The following PIP4K2A variants were observed in gnomAD, a reference collection of about 807,000 sequenced individuals.
PIP4K2A encodes the protein phosphatidylinositol-5-phosphate 4-kinase type 2 alpha.
PIP4K2A carries 14 observed loss-of-function variants against 42.9 expected under a neutral mutation model. That is an observed-to-expected ratio of 0.33 (90% CI 0.22 to 0.51). The LOEUF is 0.51. Among genes scored for constraint, PIP4K2A ranks in the 20% least tolerant of loss-of-function variants. The pLI, the probability that PIP4K2A is intolerant of heterozygous loss-of-function variation, is 0.97. For missense variants in PIP4K2A, 434 were observed against 519.8 expected (o/e 0.83, Z 1.61); for synonymous variants, 192 against 192.2 (o/e 1.00, Z 0.01).
intron 1 of PIP4K2A, among the ~76,000 whole-genome samples, chr10:22,650,294 C>T (rs1323149556): frequency 6.6e-6 from 1 of 152,092 alleles, no homozygotes; most frequent in Non-Finnish European, 1.5e-5. Context: ...CCCTTTGTCA[C>T]CCAGACTGGA....
At chr10:22,619,532 G>A (rs1838267198) in intron 1 of PIP4K2A, among the ~76,000 whole-genome samples, 1 of 151,202 alleles carries the variant, frequency 6.6e-6, no homozygotes, top group African/African-American at 2.5e-5. Flanking sequence ...CGCCTCCTGG[G>A]TTCAAGCAAT....
chr10:22,677,322 T>C (rs1839578674), intron 1 of PIP4K2A, among the ~76,000 whole-genome samples: 2 of 152,094 alleles, frequency 1.3e-5, no homozygotes, highest in South Asian at 4.1e-4. Context: ...CGCCAAATAA[T>C]TAAACAGTGG....
At chr10:22,703,619 G>A (rs569928932) in intron 1 of PIP4K2A, among the ~76,000 whole-genome samples, 8 of 152,292 alleles carry the variant, frequency 5.3e-5, no homozygotes, top group African/African-American at 1.7e-4. Flanking sequence ...GTCAGAAAAG[G>A]TTTGGATTTT....
intron 1 of PIP4K2A, among the ~76,000 whole-genome samples, chr10:22,634,580 T>G (rs1838621392): frequency 6.6e-6 from 1 of 152,194 alleles, no homozygotes; most frequent in African/African-American, 2.4e-5. Context: ...AGAAAACCAA[T>G]TAAGAGGTTA....
intron 8 of PIP4K2A, 71 bp from the exon 9 acceptor site, chr10:22,540,145 G>A (rs1030848898): frequency 1.2e-6 from 1 of 800,222 alleles, no homozygotes; most frequent in Non-Finnish European, 2.2e-6. Flanking sequence ...GCTGAGGGAG[G>A]GAGGGAGGGA....
At chr10:22,667,901 G>C (rs1178105685) in intron 1 of PIP4K2A, among the ~76,000 whole-genome samples, 1 of 113,316 alleles carries the variant, frequency 8.8e-6, no homozygotes, top group Non-Finnish European at 2.1e-5. Flanking sequence ...GTGTGTGTGT[G>C]TGTGTGTGTG....
At chr10:22,608,634 G>T (rs989109883) in intron 2 of PIP4K2A, among the ~76,000 whole-genome samples, 3 of 152,214 alleles carry the variant, frequency 2.0e-5, no homozygotes, top group Admixed American at 6.5e-5. Flanking sequence ...CACTTTGGGA[G>T]ACTGAGGTGG....
intron 1 of PIP4K2A, among the ~76,000 whole-genome samples, chr10:22,685,897 C>T (rs1400467081): frequency 6.6e-6 from 1 of 152,138 alleles, no homozygotes; most frequent in Admixed American, 6.6e-5. Context: ...ACTCAGTTAC[C>T]TATTTTGTTG....
At chr10:22,630,613 CT>C in intron 1 of PIP4K2A, among the ~76,000 whole-genome samples, 1 of 152,112 alleles carries the variant, frequency 6.6e-6, no homozygotes, top group African/African-American at 2.4e-5. Context: ...ATTTATCTGC[CT>C]TACAGCAGTG....
At chr10:22,713,902 C>G (rs1158694960) in intron 1 of PIP4K2A, 5 of 252,472 alleles carry the variant, frequency 2.0e-5, no homozygotes, top group Admixed American at 5.6e-5. Flanking sequence ...GCGGGCGGAC[C>G]GGGGGCGGCA....
At chr10:22,645,865 A>G (rs77576659) in intron 1 of PIP4K2A, among the ~76,000 whole-genome samples, 12 of 151,988 alleles carry the variant, frequency 7.9e-5, no homozygotes, top group Non-Finnish European at 1.5e-4. Context: ...CACACCAGCT[A>G]ATCTACTTAT....
intron 1 of PIP4K2A, among the ~76,000 whole-genome samples, chr10:22,610,407 C>A (rs1306342237): frequency 6.6e-6 from 1 of 152,196 alleles, no homozygotes; most frequent in South Asian, 2.1e-4. Flanking sequence ...TTTGAAAAAC[C>A]TGAACTTTCT....
intron 1 of PIP4K2A, among the ~76,000 whole-genome samples, chr10:22,700,349 T>C (rs977156001): frequency 5.3e-5 from 8 of 152,224 alleles, no homozygotes; most frequent in African/African-American, 1.9e-4. Flanking sequence ...CAACGGTGCA[T>C]TTTCTAAAGC....
At chr10:22,553,311 G>A (rs1836456308) in intron 6 of PIP4K2A, among the ~76,000 whole-genome samples, 2 of 152,174 alleles carry the variant, frequency 1.3e-5, no homozygotes, top group African/African-American at 4.8e-5. Context: ...GTGCTCAGGG[G>A]CACGAAGGTT....
intron 6 of PIP4K2A, 121 bp downstream of exon 6, chr10:22,567,730 G>C (rs757759375): frequency 1.2e-6 from 1 of 854,446 alleles, no homozygotes; most frequent in South Asian, 1.3e-5. Flanking sequence ...GGTGGCAGCA[G>C]AATGGGGAAC....
chr10:22,569,730 C>A (rs750039534), intron 5 of PIP4K2A, among the ~76,000 whole-genome samples: 2 of 152,044 alleles, frequency 1.3e-5, no homozygotes, highest in Non-Finnish European at 2.9e-5. Flanking sequence ...GCTTCTGATT[C>A]TCAGGGAAGC....
chr10:22,664,034 T>TAC (rs1414493755), intron 1 of PIP4K2A, among the ~76,000 whole-genome samples: 4 of 104,570 alleles, frequency 3.8e-5, no homozygotes, highest in African/African-American at 5.9e-5. Context: ...TATATATACA[T>TAC]ATATATATAT....
At chr10:22,625,304 G>A (rs1012986580) in intron 1 of PIP4K2A, among the ~76,000 whole-genome samples, 1 of 152,108 alleles carries the variant, frequency 6.6e-6, no homozygotes, top group Non-Finnish European at 1.5e-5. Flanking sequence ...CTGCTTTCAT[G>A]AAAAAATCTC....
intron 6 of PIP4K2A, 104 bp from the exon 7 acceptor site, chr10:22,550,876 C>T: frequency 2.8e-6 from 2 of 724,720 alleles, no homozygotes; most frequent in Non-Finnish European, 2.5e-6. Context: ...CTTTCACCGC[C>T]CCCACCCCGT....
Sources: gnomAD v4.1 joint callset for allele counts (sites outside exome capture counted in the v4.1 genomes callset) on GRCh38, gnomAD v4.1.1 for gene constraint, MANE v1.5 for transcripts, NCBI Gene and HGNC (gene_info 2026-07-23, HGNC 2026-07-21) for gene names.